SLC39A11: variants seen among roughly 807,000 people sequenced by gnomAD.
The protein encoded by SLC39A11 is solute carrier family 39 member 11.
In SLC39A11, 33 loss-of-function variants were observed where a neutral mutation model predicts 36.1. The observed-to-expected ratio is 0.91, with a 90% CI of 0.69 to 1.22. The LOEUF is 1.22. Ranked by LOEUF, SLC39A11 falls within the 50% of genes most tolerant of loss-of-function variation. The pLI, the probability that SLC39A11 is intolerant of heterozygous loss-of-function variation, is 0.00. For missense variants in SLC39A11, 432 were observed against 430.3 expected, an observed-to-expected ratio of 1.00 and a Z score of -0.03; for synonymous variants, 166 against 170.3, an observed-to-expected ratio of 0.97 and a Z score of 0.20.
intron 4 of SLC39A11, among the ~76,000 whole-genome samples, chr17:72,958,774 CT>C (rs1239168842): frequency 6.6e-6 from 1 of 151,662 alleles, no homozygotes; most frequent in Non-Finnish European, 1.5e-5. Context: ...TTGCTTGAAC[CT>C]GGGAGGCGGA....
intron 6 of SLC39A11, among the ~76,000 whole-genome samples, chr17:72,844,941 T>C (rs1041454323): frequency 2.0e-5 from 3 of 152,218 alleles, no homozygotes; most frequent in Non-Finnish European, 2.9e-5. Flanking sequence ...GGGTCCCTCC[T>C]GGCTCCTCGC....
intron 5 of SLC39A11, among the ~76,000 whole-genome samples, chr17:72,906,923 T>G (rs1377091482): frequency 6.6e-6 from 1 of 152,162 alleles, no homozygotes; most frequent in Non-Finnish European, 1.5e-5. Flanking sequence ...GGGCCAGCTC[T>G]TGCACCGGAG....
At chr17:73,050,887 G>A (rs936523934) in intron 3 of SLC39A11, among the ~76,000 whole-genome samples, 3 of 152,182 alleles carry the variant, frequency 2.0e-5, no homozygotes, top group African/African-American at 4.8e-5. Context: ...TGTCATCAGT[G>A]CAGGTGAGGA....
intron 7 of SLC39A11, among the ~76,000 whole-genome samples, chr17:72,710,219 G>T (rs1399990772): frequency 2.6e-5 from 4 of 152,186 alleles, no homozygotes; most frequent in Non-Finnish European, 5.9e-5. Context: ...CTGGCACCAT[G>T]ATTTCAGTTC....
chr17:72,912,432 T>A (rs1402188695), intron 5 of SLC39A11, among the ~76,000 whole-genome samples: 1 of 150,358 alleles, frequency 6.7e-6, no homozygotes, highest in Admixed American at 6.6e-5. Context: ...TAGGACAATA[T>A]CTTTTTTTTT....
At chr17:73,009,538 A>C (rs1307222743) in intron 4 of SLC39A11, among the ~76,000 whole-genome samples, 2 of 152,148 alleles carry the variant, frequency 1.3e-5, no homozygotes, top group Non-Finnish European at 2.9e-5. Flanking sequence ...AGTGTTTGCC[A>C]GGCGGTGGAG....
intron 3 of SLC39A11, among the ~76,000 whole-genome samples, chr17:73,078,241 A>G (rs1437681019): frequency 2.4e-5 from 2 of 82,634 alleles, no homozygotes; most frequent in Non-Finnish European, 2.7e-5. Flanking sequence ...CCGTCTCAGG[A>G]AAAAAAAAAA....
At chr17:72,898,298 C>T (rs182776328) in intron 5 of SLC39A11, among the ~76,000 whole-genome samples, 59 of 152,276 alleles carry the variant, frequency 3.9e-4, no homozygotes, top group Admixed American at 1.6e-3. Flanking sequence ...CTGGAGCATC[C>T]GAGTTCATGA....
intron 3 of SLC39A11, among the ~76,000 whole-genome samples, chr17:73,038,287 A>C (rs185375246): frequency 1.3e-5 from 2 of 152,288 alleles, no homozygotes; most frequent in East Asian, 3.9e-4. Context: ...AAATGAAAAA[A>C]CAAAAGAGAA....
intron 4 of SLC39A11, among the ~76,000 whole-genome samples, chr17:73,001,968 T>C (rs2089849897): frequency 6.6e-6 from 1 of 152,110 alleles, no homozygotes; most frequent in Non-Finnish European, 1.5e-5. Context: ...GGTGAAAACA[T>C]GCCTAAAACC....
chr17:72,702,983 C>T (rs2072723969), intron 7 of SLC39A11, among the ~76,000 whole-genome samples: 1 of 137,738 alleles, frequency 7.3e-6, no homozygotes, highest in Admixed American at 7.3e-5. Flanking sequence ...AAATTGATTC[C>T]CTCTGTCTTT....
chr17:72,816,607 C>T (rs1045354015), intron 6 of SLC39A11, among the ~76,000 whole-genome samples: 2 of 152,154 alleles, frequency 1.3e-5, no homozygotes, highest in Non-Finnish European at 2.9e-5. Context: ...CTGTCAACCA[C>T]GGCTGGAGGC....
chr17:73,086,627 C>T (rs951501022), intron 2 of SLC39A11, among the ~76,000 whole-genome samples: 3 of 152,014 alleles, frequency 2.0e-5, no homozygotes, highest in Non-Finnish European at 4.4e-5. Flanking sequence ...CAAAACCTGC[C>T]TGAGCAACAT....
chr17:73,009,952 C>A (rs1250983839), intron 4 of SLC39A11, among the ~76,000 whole-genome samples: 1 of 150,676 alleles, frequency 6.6e-6, no homozygotes, highest in Non-Finnish European at 1.5e-5. Flanking sequence ...GTGTTCTCAT[C>A]GAATACAACA....
At chr17:72,942,767 G>A (rs145826921) in intron 5 of SLC39A11, among the ~76,000 whole-genome samples, 106 of 152,230 alleles carry the variant, frequency 7.0e-4, no homozygotes, top group African/African-American at 2.3e-3. Flanking sequence ...AGCTTATAGC[G>A]AGAACCAGCT....
At chr17:72,660,916 G>A (rs992999087) in intron 7 of SLC39A11, among the ~76,000 whole-genome samples, 12 of 152,130 alleles carry the variant, frequency 7.9e-5, no homozygotes, top group Non-Finnish European at 1.6e-4. Context: ...GAGGGGGAGG[G>A]GACCAACCCT....
intron 6 of SLC39A11, among the ~76,000 whole-genome samples, chr17:72,806,684 G>A (rs2145323899): frequency 6.6e-6 from 1 of 152,290 alleles, no homozygotes; most frequent in East Asian, 1.9e-4. Context: ...CCAAGTTCAA[G>A]TGATTCTCCC....
intron 7 of SLC39A11, among the ~76,000 whole-genome samples, chr17:72,722,389 G>A (rs2073722596): frequency 6.6e-6 from 1 of 152,158 alleles, no homozygotes; most frequent in African/African-American, 2.4e-5. Context: ...GCAGAGTCCA[G>A]ATCATCTTGT....
rs1244905405 is a variant in SLC39A11, at chr17:72,740,065, T to C, written c.602-3346A>G. ...GAATTTCTTTCCTTTTCTTTTTTTT[T>C]TTTTTTTTTTTTTTTGAGATGGAGT... On this transcript the variant is annotated intron_variant, in intron 6 of 9. Coordinates refer to ENST00000255559, the MANE Select transcript of SLC39A11 (RefSeq NM_139177.4). Among the ~76,000 whole-genome samples the C allele has an allele frequency of 1.7e-4, 22 of 128,946 alleles. 1 individual carries two copies. The Admixed American group carries it at 1.7e-3, about 10-fold the overall frequency. 84.6% of individuals were successfully genotyped at this position (128,946 alleles called of 152,430 possible). A position where few individuals can be genotyped will look rare whatever the true frequency, so the allele number is the denominator to read the frequency against.
Sources: allele counts gnomAD v4.1 joint callset (sites outside exome capture counted in the v4.1 genomes callset), GRCh38; gene constraint gnomAD v4.1.1; transcripts MANE v1.5; gene names NCBI Gene and HGNC (gene_info 2026-07-23, HGNC 2026-07-21).